The following CC2D2B variants were observed in gnomAD, a reference collection of about 807,000 sequenced individuals.
CC2D2B encodes the protein protein CC2D2B.
A neutral mutation model predicts 161.2 loss-of-function variants in CC2D2B; 128 were observed. The ratio of observed to expected loss-of-function variants is 0.79; its 90% CI spans 0.69 to 0.92. The LOEUF is 0.92. Ranked by LOEUF, CC2D2B falls within the 40% of genes least tolerant of loss-of-function variation. CC2D2B has a pLI of 0.00. For synonymous variants in CC2D2B, 391 were observed against 449.8 expected (o/e 0.87, Z 1.65); for missense variants, 1,173 against 1,375.1 (o/e 0.85, Z 2.32).
intron 29 of CC2D2B, among the ~76,000 whole-genome samples, chr10:96,014,715 A>G (rs1462493050): frequency 6.6e-6 from 1 of 152,132 alleles, no homozygotes. Flanking sequence ...AAGCATCTGG[A>G]CCTCAGGAAA....
At chr10:96,021,800 A>G (rs2079473630) in intron 32 of CC2D2B, among the ~76,000 whole-genome samples, 5 of 152,246 alleles carry the variant, frequency 3.3e-5, no homozygotes, top group Admixed American at 3.3e-4. Flanking sequence ...CAGTATACAG[A>G]GTACTTCAAG....
At chr10:95,945,704 C>T (rs983230012) in intron 9 of CC2D2B, among the ~76,000 whole-genome samples, 8 of 151,664 alleles carry the variant, frequency 5.3e-5, no homozygotes, top group African/African-American at 1.5e-4. Flanking sequence ...TTAACTCACT[C>T]GGTCAAGTGC....
chr10:96,025,137 C>A (rs1284060644), intron 33 of CC2D2B, among the ~76,000 whole-genome samples: 1 of 106,994 alleles, frequency 9.3e-6, no homozygotes. Context: ...AGGGAGACGT[C>A]ATCTCTACTA....
chr10:95,938,983 G>T, intron 9 of CC2D2B, 58 bp downstream of exon 9: 1 of 632,086 alleles, frequency 1.6e-6, no homozygotes. Flanking sequence ...ATCAATTATC[G>T]CTGGTGGTTT....
At chr10:96,025,169 ATATATATATATATAT>A (rs2079660661) in intron 33 of CC2D2B, among the ~76,000 whole-genome samples, 2 of 17,378 alleles carry the variant, frequency 1.2e-4, no homozygotes, top group Admixed American at 1.4e-3. Flanking sequence ...ATATATATAT[ATATATATATATATAT>A]AAAAAAAAAT....
Position 95,938,550 on chromosome 10 carries a change from A to G in CC2D2B, c.536-19A>G, listed in dbSNP as rs1486277698. On this transcript the variant is annotated intron_variant, in intron 7 of 34. Transcript: ENST00000646931. ...TATTTTGGACTTTAAAGTAATATCT[A>G]AGTTTTATTGTTATAAAGTGGTTAA... 4.5e-6 allele frequency: 3 copies of G among 670,402 alleles called. No homozygotes were observed. The East Asian group carries it at 8.1e-5, about 18-fold the overall frequency. The allele number at this position is 670,402 out of a possible 1,614,324, so 41.5% of individuals were successfully genotyped here.
At chr10:95,913,388 TC>T in intron 2 of CC2D2B, 1 of 394,684 alleles carries the variant, frequency 2.5e-6, no homozygotes, top group Non-Finnish European at 5.0e-6. Flanking sequence ...TTAGGTTGCT[TC>T]CAAATCTTGG....
chr10:95,965,784 T>TG (rs2076918941), intron 12 of CC2D2B, 112 bp from the exon 13 acceptor site: 25 of 369,064 alleles, frequency 6.8e-5, no homozygotes, highest in Non-Finnish European at 1.1e-4. Context: ...AGAGATTGGT[T>TG]TTGTGTGTGT....
At chr10:95,938,759 CA>C in intron 8 of CC2D2B, 37 bp from the exon 9 acceptor site, 1 of 700,772 alleles carries the variant, frequency 1.4e-6, no homozygotes, top group African/African-American at 1.8e-5. Context: ...ACTTATTTAG[CA>C]AAATATTTAA....
At chr10:95,940,128 G>C (rs963215057) in intron 9 of CC2D2B, among the ~76,000 whole-genome samples, 2 of 152,072 alleles carry the variant, frequency 1.3e-5, no homozygotes, top group Non-Finnish European at 2.9e-5. Flanking sequence ...GGCACTTCAC[G>C]AGGCTAGAGT....
chr10:95,929,758 T>C lies in CC2D2B; in HGVS notation c.336+2426T>C, dbSNP rs2098546404. On this transcript the variant is annotated intron_variant, in intron 6 of 34. Coordinates refer to ENST00000646931, the MANE Select transcript of CC2D2B (RefSeq NM_001349008.3). ...CTGTTCTGTTCCATTAGTCTATATA[T>C]CTATTTTGGTACCAGTACCATGCTG... Among the ~76,000 whole-genome samples, 3 of 152,282 alleles carry C rather than the reference T, an allele frequency of 2.0e-5. No individual in the cohort carries two copies. In the South Asian group the frequency reaches 6.2e-4, roughly 32 times the overall value.
chr10:95,923,565 A>T (rs1489603077), intron 3 of CC2D2B, among the ~76,000 whole-genome samples: 1 of 152,190 alleles, frequency 6.6e-6, no homozygotes, highest in African/African-American at 2.4e-5. Flanking sequence ...TTGTATTAGT[A>T]TACTTCACAG....
At chr10:95,956,963 T>C (rs370778645) in intron 11 of CC2D2B, among the ~76,000 whole-genome samples, 9 of 152,272 alleles carry the variant, frequency 5.9e-5, no homozygotes, top group Non-Finnish European at 7.4e-5. Flanking sequence ...AACTCATGGA[T>C]ATGAAAAGCC....
intron 11 of CC2D2B, among the ~76,000 whole-genome samples, chr10:95,961,067 G>A (rs149504762): frequency 9.1e-4 from 138 of 152,312 alleles, no homozygotes; most frequent in African/African-American, 3.2e-3. Context: ...ACATGCAGCA[G>A]CTGGTTTGCA....
chr10:95,915,468 C>T (rs2098514451), intron 2 of CC2D2B, among the ~76,000 whole-genome samples: 1 of 152,154 alleles, frequency 6.6e-6, no homozygotes, highest in Admixed American at 6.6e-5. Context: ...AAGTAGGCAT[C>T]CTTGTCTTGT....
In CC2D2B at chr10:95,963,580, A is replaced by T. The variant is rs558122932; in HGVS notation, c.1250+1611A>T. ...GCCTAGGGAGAAGGCAGAGAATAAGATGAGGAGAGACCCCAAGCACTGAGT... is the reference window on the plus strand; with the variant it reads ...GCCTAGGGAGAAGGCAGAGAATAAGTTGAGGAGAGACCCCAAGCACTGAGT... On this transcript the variant is annotated intron_variant, in intron 12 of 34. Transcript: ENST00000646931. 2.0e-5 allele frequency among the ~76,000 whole-genome samples: 3 copies of T among 152,276 alleles called. No individual in the cohort carries two copies. The East Asian group carries it at 5.8e-4, about 29-fold the overall frequency.
intron 9 of CC2D2B, among the ~76,000 whole-genome samples, chr10:95,940,996 T>A (rs930378406): frequency 6.6e-6 from 1 of 152,124 alleles, no homozygotes; most frequent in African/African-American, 2.4e-5. Context: ...AAGACAGATA[T>A]ATGGACCAAT....
intron 29 of CC2D2B, among the ~76,000 whole-genome samples, chr10:96,015,972 A>G (rs141731251): frequency 3.0e-4 from 45 of 152,298 alleles, no homozygotes; most frequent in African/African-American, 1.0e-3. Context: ...TATCTACATT[A>G]AGTGTTCTAT....
chr10:95,952,415 A>C (rs2076434367), intron 10 of CC2D2B: 3 of 152,206 alleles, frequency 2.0e-5, no homozygotes. Flanking sequence ...TACTTCGTTC[A>C]TCACCTCATG....
Sources: gnomAD v4.1 joint callset for allele counts (sites outside exome capture counted in the v4.1 genomes callset) on GRCh38, gnomAD v4.1.1 for gene constraint, MANE v1.5 for transcripts, NCBI Gene and HGNC (gene_info 2026-07-23, HGNC 2026-07-21) for gene names.